Variants in APOBEC2 observed in about 807,000 individuals in gnomAD.
APOBEC2 encodes the protein C->U-editing enzyme APOBEC-2.
In APOBEC2, 14 loss-of-function variants were observed where a neutral mutation model predicts 19.4. The observed-to-expected ratio is 0.72, with a 90% CI of 0.48 to 1.13. The LOEUF (loss-of-function observed/expected upper bound fraction) is 1.13, where lower values mean the gene tolerates loss of function less well. Among genes scored for constraint, APOBEC2 ranks in the 50% most tolerant of loss-of-function variants. The pLI is 0.00. For synonymous variants in APOBEC2, 127 were observed against 112.1 expected, an observed-to-expected ratio of 1.13 and a Z score of -0.84; for missense variants, 304 against 277.0, an observed-to-expected ratio of 1.10 and a Z score of -0.69.
In APOBEC2 at chr6:41,053,225, T is replaced by C; in HGVS notation, c.-123T>C. On this transcript the variant is annotated 5_prime_UTR_variant, in exon 1 of 3. Transcript: ENST00000244669. ...CACGAAGCCTGGCCTGCTGGGTCCT[T>C]TTCCCGTCATCCCCAGCCAGATTTA... The C allele has an allele frequency of 1.5e-6, 2 of 1,375,426 alleles. No individual in the cohort carries two copies. The highest frequency in any genetic ancestry group is 9.8e-7 in the Non-Finnish European group (1 of 1,023,030). 85.2% of individuals were successfully genotyped at this position (1,375,426 alleles called of 1,614,324 possible).
chr6:41,063,579 A>T (rs1762908661), intron 2 of APOBEC2, among the ~76,000 whole-genome samples: 1 of 96,750 alleles, frequency 1.0e-5, no homozygotes, highest in African/African-American at 4.0e-5. Context: ...ATATAACTGT[A>T]TTATCTGGAC....
intron 1 of APOBEC2, among the ~76,000 whole-genome samples, 172 bp from the exon 2 acceptor site, chr6:41,061,156 C>CTTTTTTTTTTTTTTTTT (rs35586672): frequency 9.5e-6 from 1 of 105,654 alleles, no homozygotes. Flanking sequence ...TTTTTTAATG[C>CTTTTTTTTTTTTTTTTT]TTTTTTTTTT....
At position 41,053,630 on chromosome 6, in the gene APOBEC2, G is replaced by C. The variant is rs1221886462; in HGVS notation, c.131+152G>C. 3 of 1,203,230 alleles carry C rather than the reference G, an allele frequency of 2.5e-6. No homozygotes were observed. In the East Asian group the frequency reaches 8.1e-5, roughly 32 times the overall value. The allele number at this position is 1,203,230 out of a possible 1,614,324, so 74.5% of individuals were successfully genotyped here. On this transcript the variant is annotated intron_variant, in intron 1 of 2. Transcript: ENST00000244669. ...ACCAGTGGGCCCGGCAGGGGTGGTAGGGGACCCAGCAGCAAATTCTCTTGG... is the reference window on the plus strand; with the variant it reads ...ACCAGTGGGCCCGGCAGGGGTGGTACGGGACCCAGCAGCAAATTCTCTTGG...
Position 41,053,452 on chromosome 6 carries a change from G to A in APOBEC2, c.105G>A (p.Glu35=). The change falls in exon 1 of 3, where the codon GAG becomes GAA. Residue 35 remains glutamate, a synonymous_variant. Transcript: ENST00000244669. ...CTGAGAAGCTGAAAGAGCTGATTGA[G>A]CTGCCGCCCTTTGAGATTGTCACAG... ...DDPEKLKELI[E]LPPFEIVTGE... 1 of 1,614,226 alleles carries A rather than the reference G, an allele frequency of 6.2e-7. No individual in the cohort carries two copies. The highest frequency in any genetic ancestry group is 8.5e-7 in the Non-Finnish European group (1 of 1,180,032).
At position 41,053,298 on chromosome 6, in the gene APOBEC2, C is replaced by CAG; in HGVS notation, c.-50_-49insAG. 6.3e-7 allele frequency: 1 copy of CAG among 1,595,028 alleles called. No individual in the cohort carries two copies. The highest frequency in any genetic ancestry group is 8.5e-7 in the Non-Finnish European group (1 of 1,172,362). ...TCTGCCGCCAGGGCCTGGCCCAGACCTGCCTGCCTCTCTCCTCTCCCTCAG... is the reference window on the plus strand; with the variant it reads ...TCTGCCGCCAGGGCCTGGCCCAGACCAGTGCCTGCCTCTCTCCTCTCCCTCAG... On this transcript the variant is annotated 5_prime_UTR_variant, in exon 1 of 3. Coordinates refer to ENST00000244669, the MANE Select transcript of APOBEC2 (RefSeq NM_006789.4).
At chr6:41,055,872 G>A (rs1335900865) in intron 1 of APOBEC2, among the ~76,000 whole-genome samples, 1 of 152,204 alleles carries the variant, frequency 6.6e-6, no homozygotes, top group East Asian at 1.9e-4. Flanking sequence ...CACCTCGGGA[G>A]CTTGAAATCT....
At chr6:41,054,679 AC>A (rs1311477419) in intron 1 of APOBEC2, among the ~76,000 whole-genome samples, 1 of 151,936 alleles carries the variant, frequency 6.6e-6, no homozygotes, top group Non-Finnish European at 1.5e-5. Context: ...AACTAATCTC[AC>A]CCTCATCCTA....
In APOBEC2 at chr6:41,061,532, C is replaced by T. The variant is rs1010574838; in HGVS notation, c.336C>T (p.Asp112=). The T allele has an allele frequency of 1.2e-6, 2 of 1,614,178 alleles. No individual in the cohort carries two copies. The highest frequency in any genetic ancestry group is 1.7e-6 in the Non-Finnish European group (2 of 1,179,996). The change falls in exon 2 of 3, where the codon GAC becomes GAT. Residue 112 remains aspartate (D), a synonymous_variant. Coordinates refer to ENST00000244669, the MANE Select transcript of APOBEC2 (RefSeq NM_006789.4). ...TCAACACCATCCTGCCAGCCTTCGA[C>T]CCAGCCCTGCGGTACAATGTCACCT... The part of the protein sequence containing the change: ...AFFNTILPAF[D]PALRYNVTWY...
intron 1 of APOBEC2, among the ~76,000 whole-genome samples, chr6:41,054,544 A>G (rs987659016): frequency 6.6e-6 from 1 of 152,198 alleles, no homozygotes; most frequent in Non-Finnish European, 1.5e-5. Context: ...TAACATGAAG[A>G]TCTATAGTAG....
intron 1 of APOBEC2, among the ~76,000 whole-genome samples, chr6:41,057,806 G>T (rs1013134290): frequency 2.6e-5 from 4 of 152,098 alleles, no homozygotes; most frequent in Admixed American, 2.0e-4. Context: ...AAATTCAAAC[G>T]TTTTGAATGT....
At chr6:41,059,752 G>A (rs1312838605) in intron 1 of APOBEC2, among the ~76,000 whole-genome samples, 1 of 152,214 alleles carries the variant, frequency 6.6e-6, no homozygotes, top group South Asian at 2.1e-4. Context: ...AATAAGTCAA[G>A]TTTACTCATA....
At chr6:41,057,141 C>T (rs1254762485) in intron 1 of APOBEC2, among the ~76,000 whole-genome samples, 6 of 152,192 alleles carry the variant, frequency 3.9e-5, no homozygotes, top group African/African-American at 1.4e-4. Context: ...AGTGATTCTT[C>T]TTCTAACCAC....
At position 41,061,715 on chromosome 6, in the gene APOBEC2, C is replaced by T. The variant is rs1581991298; in HGVS notation, c.519C>T (p.Gly173=). 2 of 1,614,224 alleles carry T rather than the reference C, an allele frequency of 1.2e-6. No individual in the cohort carries two copies. The highest frequency in any genetic ancestry group is 1.7e-6 in the Non-Finnish European group (2 of 1,180,044). ...CTCTGAAGAAGCTGAAGGAGGCTGG[C>T]TGTAAACTGCGCATCATGAAGCCCC... ...QAALKKLKEA[G]CKLRIMKPQD... The change falls in exon 2 of 3, where the codon GGC becomes GGT. Residue 173 remains glycine, a synonymous_variant. Coordinates refer to ENST00000244669, the MANE Select transcript of APOBEC2 (RefSeq NM_006789.4).
chr6:41,055,968 C>T (rs1762789687), intron 1 of APOBEC2, among the ~76,000 whole-genome samples: 1 of 152,148 alleles, frequency 6.6e-6, no homozygotes, highest in Non-Finnish European at 1.5e-5. Flanking sequence ...GAGTGTTACA[C>T]TTATCAGCAC....
At position 41,064,194 on chromosome 6, in the gene APOBEC2, GA is replaced by G. The variant is rs1429138648; in HGVS notation, c.*116del. The G allele has an allele frequency of 2.0e-5, 3 of 152,458 alleles. No homozygotes were observed. The highest frequency in any genetic ancestry group is 7.3e-5 in the African/African-American group (3 of 41,352). The allele number at this position is 152,458 out of a possible 1,614,324, so 9.4% of individuals were successfully genotyped here. On this transcript the variant is annotated 3_prime_UTR_variant, in exon 3 of 3. Transcript: ENST00000244669. Reference sequence around the variant, plus strand: ...TACCATTTGGAGCTGGACAACATTTGACACCAACCAATCATACTGGACAAGG... The same window carrying G: ...TACCATTTGGAGCTGGACAACATTTGCACCAACCAATCATACTGGACAAGG...
At chr6:41,057,220 G>A (rs557977366) in intron 1 of APOBEC2, among the ~76,000 whole-genome samples, 1 of 152,170 alleles carries the variant, frequency 6.6e-6, no homozygotes. Flanking sequence ...AGAGGAGAAG[G>A]GTGAGATAAG....
intron 1 of APOBEC2, among the ~76,000 whole-genome samples, chr6:41,057,059 G>C (rs1762806136): frequency 6.6e-6 from 1 of 152,164 alleles, no homozygotes; most frequent in Admixed American, 6.5e-5. Flanking sequence ...TAGTTATGTT[G>C]TATATGTTTT....
At chr6:41,061,253 G>C in intron 1 of APOBEC2, 75 bp from the exon 2 acceptor site, 2 of 1,319,286 alleles carry the variant, frequency 1.5e-6, no homozygotes, top group Non-Finnish European at 2.0e-6. Context: ...ACCTGGAAGA[G>C]CTACCTACTC....
chr6:41,053,532 G>A, intron 1 of APOBEC2, 54 bp downstream of exon 1: 2 of 1,599,886 alleles, frequency 1.3e-6, no homozygotes, highest in East Asian at 2.2e-5. Flanking sequence ...GCAGCCTTGG[G>A]TTAGGCTGTG....
Sources: allele counts gnomAD v4.1 joint callset (sites outside exome capture counted in the v4.1 genomes callset), GRCh38; gene constraint gnomAD v4.1.1; transcripts MANE v1.5; gene names NCBI Gene and HGNC (gene_info 2026-07-23, HGNC 2026-07-21).